The following CFAP221 variants were observed in gnomAD, a reference collection of about 807,000 sequenced individuals.
CFAP221 encodes the protein cilia- and flagella-associated protein 221.
CFAP221 carries 97 observed loss-of-function variants against 113.1 expected under a neutral mutation model. That is an observed-to-expected ratio of 0.86 (90% CI 0.73 to 1.02). The LOEUF is 1.02. Among genes scored for constraint, CFAP221 ranks in the 50% least tolerant of loss-of-function variants. The pLI, the probability that CFAP221 is intolerant of heterozygous loss-of-function variation, is 0.00. For missense variants in CFAP221, 1,025 were observed against 1,013.4 expected (o/e 1.01, Z -0.16); for synonymous variants, 331 against 354.4 (o/e 0.93, Z 0.74).
intron 14 of CFAP221, among the ~76,000 whole-genome samples, chr2:119,620,251 A>G (rs537823320): frequency 6.6e-6 from 1 of 152,312 alleles, no homozygotes; most frequent in African/African-American, 2.4e-5. Context: ...CACCACAAAG[A>G]TACTCCTCGA....
At chr2:119,555,148 T>G (rs796389455) in intron 3 of CFAP221, among the ~76,000 whole-genome samples, 3 of 152,228 alleles carry the variant, frequency 2.0e-5, no homozygotes, top group African/African-American at 7.2e-5. Flanking sequence ...CTATTTTATG[T>G]GTGGTTGATG....
chr2:119,583,152 C>T (rs1325211698), intron 6 of CFAP221, among the ~76,000 whole-genome samples: 1 of 151,900 alleles, frequency 6.6e-6, no homozygotes, highest in East Asian at 1.9e-4. Flanking sequence ...AAAGAAAACT[C>T]ATTAATTGGG....
At chr2:119,565,973 G>T (rs905247099) in intron 6 of CFAP221, among the ~76,000 whole-genome samples, 4 of 152,186 alleles carry the variant, frequency 2.6e-5, no homozygotes, top group African/African-American at 9.7e-5. Flanking sequence ...CCTTCCATGT[G>T]CCAGGCACAG....
intron 13 of CFAP221, among the ~76,000 whole-genome samples, chr2:119,614,957 G>C (rs6542537): frequency 0.99 from 150,822 of 152,340 alleles, 74,682 homozygotes; most frequent in East Asian, 1. Context: ...GGGTGTCCCC[G>C]ATGACTAATC....
chr2:119,579,273 T>C (rs1362575223), intron 6 of CFAP221, among the ~76,000 whole-genome samples: 1 of 151,950 alleles, frequency 6.6e-6, no homozygotes, highest in Non-Finnish European at 1.5e-5. Flanking sequence ...CCTACTCACT[T>C]CTCAGAAATA....
chr2:119,634,049 A>G (rs1483600292), intron 19 of CFAP221, among the ~76,000 whole-genome samples: 1 of 152,166 alleles, frequency 6.6e-6, no homozygotes, highest in Non-Finnish European at 1.5e-5. Context: ...TCAAGGCTGC[A>G]GTAAGCTGTG....
rs776819889 is a variant in CFAP221, at chr2:119,611,693, G to A, written c.1262G>A (p.Arg421Gln). Residue 421 changes from arginine to glutamine, a missense_variant, in exon 13 of 24, where the codon CGA becomes CAA. By Grantham distance (43) the Arg-to-Gln change is conservative. Transcript: ENST00000413369. ...GDPILDEEFQ[R>Q]LKTEVSHKRV... is the part of the protein sequence containing the mutation. ...CCTATTTTGGATGAGGAATTTCAGC[G>A]ACTTAAAACAGAAGTTAGCCATAAA... is the stretch of plus-strand genomic sequence containing the variant. 24 of 1,613,678 alleles carry A rather than the reference G, an allele frequency of 1.5e-5. No individual in the cohort carries two copies. In the East Asian group the frequency reaches 3.3e-4, roughly 22 times the overall value.
rs774381123 is a variant in CFAP221 at position 119,638,360 on chromosome 2, A to C, written c.2076A>C (p.Lys692Asn). 8 of 1,614,096 alleles carry C rather than the reference A, an allele frequency of 5.0e-6. No homozygotes were observed. In the Admixed American group the frequency reaches 1.3e-4, roughly 27 times the overall value. Residue 692 changes from lysine (K) to asparagine (N), a missense_variant, in exon 20 of 24, where the codon AAA (lysine) becomes AAC (asparagine). Physicochemically the swap from Lys to Asn is moderately conservative, Grantham distance 94. Transcript: ENST00000413369. The part of the protein sequence containing the change: ...LCSHPKYKFT[K>N]ESRHGSSIPV... ...CTCACCCCAAGTACAAATTCACCAA[A>C]GAGTCCCGCCACGGGTCCAGCATTC...
At chr2:119,596,027 G>T (rs1348534067) in intron 7 of CFAP221, among the ~76,000 whole-genome samples, 2 of 152,136 alleles carry the variant, frequency 1.3e-5, no homozygotes, top group Non-Finnish European at 2.9e-5. Context: ...GGAGAGGCCT[G>T]CAGGGGTTCG....
chr2:119,628,292 GGGGTGTGT>G (rs1347000578), intron 16 of CFAP221, among the ~76,000 whole-genome samples: 719 of 12,054 alleles, frequency 0.06, 7 homozygotes, highest in African/African-American at 0.089. Context: ...CTCTCTCTGG[GGGGTGTGT>G]GTGTGTGTGT....
intron 21 of CFAP221, among the ~76,000 whole-genome samples, chr2:119,644,719 A>G (rs1306676293): frequency 6.6e-6 from 1 of 152,218 alleles, no homozygotes; most frequent in Non-Finnish European, 1.5e-5. Flanking sequence ...ATACATATAT[A>G]TGTAATGTAT....
At chr2:119,548,192 G>A (rs1378980931) in intron 2 of CFAP221, among the ~76,000 whole-genome samples, 1 of 152,050 alleles carries the variant, frequency 6.6e-6, no homozygotes, top group Non-Finnish European at 1.5e-5. Context: ...TCTAACTCCT[G>A]GGCTCAAGCG....
intron 21 of CFAP221, among the ~76,000 whole-genome samples, chr2:119,643,545 AAT>A (rs1229279180): frequency 6.6e-6 from 1 of 152,048 alleles, no homozygotes; most frequent in Admixed American, 6.6e-5. Context: ...AAGGACATTA[AAT>A]ATATATATGA....
At chr2:119,549,841 G>A (rs2105010656) in intron 3 of CFAP221, among the ~76,000 whole-genome samples, 1 of 152,354 alleles carries the variant, frequency 6.6e-6, no homozygotes, top group Non-Finnish European at 1.5e-5. Context: ...GGACTGCAAA[G>A]TAGCCAAAGC....
At chr2:119,629,577 C>G (rs907660955) in intron 16 of CFAP221, among the ~76,000 whole-genome samples, 1 of 152,186 alleles carries the variant, frequency 6.6e-6, no homozygotes, top group Admixed American at 6.5e-5. Flanking sequence ...ACACTCCTGG[C>G]AGCTAGGGAC....
chr2:119,655,548 T>G (rs1242441170), intron 23 of CFAP221, among the ~76,000 whole-genome samples: 2 of 152,210 alleles, frequency 1.3e-5, no homozygotes, highest in Non-Finnish European at 2.9e-5. Context: ...TATTTTATAT[T>G]GGATTTATAT....
intron 12 of CFAP221, 87 bp from the exon 13 acceptor site, chr2:119,611,566 T>C (rs1327795807): frequency 8.1e-7 from 1 of 1,235,496 alleles, no homozygotes; most frequent in Non-Finnish European, 1.1e-6. Flanking sequence ...TTTGGCCAAT[T>C]GCTTAATGGG....
intron 7 of CFAP221, among the ~76,000 whole-genome samples, chr2:119,600,203 C>T (rs1684271920): frequency 4.6e-5 from 7 of 152,176 alleles, no homozygotes; most frequent in Admixed American, 3.3e-4. Context: ...TTCGCTTTTT[C>T]TCTCCACATT....
intron 6 of CFAP221, among the ~76,000 whole-genome samples, chr2:119,564,892 C>T (rs952124242): frequency 6.6e-6 from 1 of 152,146 alleles, no homozygotes; most frequent in African/African-American, 2.4e-5. Context: ...TCTAGAGCTT[C>T]TCCAGGGTAT....
Sources: gnomAD v4.1 joint callset for allele counts (sites outside exome capture counted in the v4.1 genomes callset) on GRCh38, gnomAD v4.1.1 for gene constraint, MANE v1.5 for transcripts, NCBI Gene and HGNC (gene_info 2026-07-23, HGNC 2026-07-21) for gene names.